Variants in ARHGAP15 observed in about 807,000 individuals in gnomAD.
The protein encoded by ARHGAP15 is Rho GTPase activating protein 15.
A neutral mutation model predicts 63.7 loss-of-function variants in ARHGAP15; 51 were observed. The observed-to-expected ratio is 0.80, with a 90% CI of 0.64 to 1.01. ARHGAP15 has a LOEUF of 1.01. Among genes scored for constraint, ARHGAP15 ranks in the 50% least tolerant of loss-of-function variants. The pLI is 0.00. For synonymous variants in ARHGAP15, 191 were observed against 193.8 expected, an observed-to-expected ratio of 0.99 and a Z score of 0.12; for missense variants, 560 against 564.6, an observed-to-expected ratio of 0.99 and a Z score of 0.08.
intron 13 of ARHGAP15, among the ~76,000 whole-genome samples, chr2:143,723,932 C>T (rs1028752758): frequency 2.0e-5 from 3 of 152,188 alleles, no homozygotes; most frequent in African/African-American, 7.2e-5. Flanking sequence ...ATCTAAAGAA[C>T]TGGGCTCCAG....
In ARHGAP15 at chr2:143,519,332, T is replaced by C; in HGVS notation, c.893T>C (p.Val298Ala). 6.2e-7 allele frequency: 1 copy of C among 1,613,108 alleles called. No homozygotes were observed. The highest frequency in any genetic ancestry group is 8.5e-7 in the Non-Finnish European group (1 of 1,179,210). Residue 298 changes from valine to alanine, a missense_variant, in exon 10 of 14, where the codon GTA (valine) becomes GCA (alanine). By Grantham distance (64) the Val-to-Ala change is moderately conservative. Transcript: ENST00000295095. ...GAAAATTCCACAGTTCCGTGGTTTG[T>C]AAAGCAATGCATTGAAGCTGTTGAG... Reference protein sequence around the residue: ...ERENSTVPWFVKQCIEAVEKR... With the variant: ...ERENSTVPWFAKQCIEAVEKR...
intron 1 of ARHGAP15, among the ~76,000 whole-genome samples, chr2:143,148,585 A>G (rs1255899175): frequency 6.6e-6 from 1 of 152,076 alleles, no homozygotes; most frequent in African/African-American, 2.4e-5. Flanking sequence ...ACCATGCTGC[A>G]GACTTGTCAG....
chr2:143,522,599 G>T (rs914329622), intron 10 of ARHGAP15, among the ~76,000 whole-genome samples: 5 of 152,106 alleles, frequency 3.3e-5, no homozygotes, highest in African/African-American at 4.8e-5. Context: ...TAGAGCAGGG[G>T]TATCTAATCT....
intron 6 of ARHGAP15, among the ~76,000 whole-genome samples, chr2:143,322,305 G>T (rs1281060385): frequency 6.6e-6 from 1 of 152,080 alleles, no homozygotes; most frequent in African/African-American, 2.4e-5. Flanking sequence ...AGTAGAAGGG[G>T]CTGCTTTCTT....
At chr2:143,268,541 T>A (rs1293860457) in intron 6 of ARHGAP15, among the ~76,000 whole-genome samples, 1 of 152,174 alleles carries the variant, frequency 6.6e-6, no homozygotes, top group Non-Finnish European at 1.5e-5. Flanking sequence ...ATTTTTTTTC[T>A]TTAGAACAAA....
At chr2:143,250,427 T>A (rs561539120) in intron 5 of ARHGAP15, 84 bp from the exon 6 acceptor site, 46 of 1,046,242 alleles carry the variant, frequency 4.4e-5, no homozygotes, top group Admixed American at 2.1e-4. Flanking sequence ...TATGTATAGC[T>A]GCTAACTCAA....
intron 3 of ARHGAP15, among the ~76,000 whole-genome samples, chr2:143,205,366 C>T (rs947863712): frequency 1.3e-5 from 2 of 151,900 alleles, no homozygotes; most frequent in African/African-American, 4.8e-5. Flanking sequence ...GACCTTACCA[C>T]CAGATGGCAT....
In ARHGAP15 at chr2:143,257,930, A is replaced by G. The variant is rs1680508333; in HGVS notation, c.474+7330A>G. Among the ~76,000 whole-genome samples the G allele has an allele frequency of 2.6e-5, 4 of 152,188 alleles. No individual in the cohort carries two copies. In the South Asian group the frequency reaches 8.3e-4, roughly 31 times the overall value. ...ATGCTAGCAAGACAATATTCAAGCC[A>G]AGGGATCCTTTTTCATATCTGTTTC... On this transcript the variant is annotated intron_variant, in intron 6 of 13. Coordinates refer to ENST00000295095, the MANE Select transcript of ARHGAP15 (RefSeq NM_018460.4).
intron 13 of ARHGAP15, among the ~76,000 whole-genome samples, chr2:143,737,890 G>A (rs990340548): frequency 2.0e-5 from 3 of 152,050 alleles, no homozygotes; most frequent in Non-Finnish European, 4.4e-5. Context: ...CTGAGTAGCT[G>A]GAATTACAGG....
At chr2:143,666,381 A>G (rs1344343729) in intron 12 of ARHGAP15, among the ~76,000 whole-genome samples, 1 of 152,164 alleles carries the variant, frequency 6.6e-6, no homozygotes, top group Non-Finnish European at 1.5e-5. Context: ...CAAAGCTGAA[A>G]CTGTATCGCT....
At chr2:143,189,637 T>C (rs1161673264) in intron 2 of ARHGAP15, among the ~76,000 whole-genome samples, 1 of 151,878 alleles carries the variant, frequency 6.6e-6, no homozygotes, top group Non-Finnish European at 1.5e-5. Context: ...AATTTTTGTA[T>C]TTTTAGTTAG....
chr2:143,541,496 A>T (rs897721777), intron 10 of ARHGAP15, among the ~76,000 whole-genome samples: 2 of 151,884 alleles, frequency 1.3e-5, no homozygotes, highest in African/African-American at 4.8e-5. Flanking sequence ...TTTTTTCCCC[A>T]TCTTTGTGGT....
At chr2:143,146,669 A>G (rs977255482) in intron 1 of ARHGAP15, among the ~76,000 whole-genome samples, 2 of 152,104 alleles carry the variant, frequency 1.3e-5, no homozygotes, top group African/African-American at 2.4e-5. Context: ...TAAATAATTG[A>G]GCAAGAGAGA....
intron 6 of ARHGAP15, among the ~76,000 whole-genome samples, chr2:143,386,013 C>A (rs1338037662): frequency 6.6e-6 from 1 of 152,088 alleles, no homozygotes; most frequent in East Asian, 1.9e-4. Flanking sequence ...GACATCTTAA[C>A]TTTCATATTC....
At chr2:143,146,162 T>C (rs1204255974) in intron 1 of ARHGAP15, among the ~76,000 whole-genome samples, 1 of 150,834 alleles carries the variant, frequency 6.6e-6, no homozygotes, top group African/African-American at 2.4e-5. Flanking sequence ...ATTAAGAGAG[T>C]GAAAAAGCAA....
intron 6 of ARHGAP15, among the ~76,000 whole-genome samples, chr2:143,346,859 C>T (rs1685324036): frequency 6.6e-6 from 1 of 151,744 alleles, no homozygotes; most frequent in African/African-American, 2.4e-5. Context: ...AATCAAAGAC[C>T]AACTGACACA....
intron 6 of ARHGAP15, among the ~76,000 whole-genome samples, chr2:143,333,328 A>G (rs1309287201): frequency 6.6e-6 from 1 of 152,206 alleles, no homozygotes; most frequent in Non-Finnish European, 1.5e-5. Flanking sequence ...TATGAAGATG[A>G]CACGTCGGTG....
At chr2:143,206,633 C>T (rs1315293320) in intron 3 of ARHGAP15, among the ~76,000 whole-genome samples, 1 of 152,020 alleles carries the variant, frequency 6.6e-6, no homozygotes, top group African/African-American at 2.4e-5. Flanking sequence ...ATTGCTCTTA[C>T]TGAGCTATAA....
At chr2:143,512,271 AAGTCTC>A (rs1693624251) in intron 9 of ARHGAP15, among the ~76,000 whole-genome samples, 1 of 152,214 alleles carries the variant, frequency 6.6e-6, no homozygotes, top group Admixed American at 6.5e-5. Context: ...ACATCAGAAA[AAGTCTC>A]AGGATTTACT....
Sources: allele counts gnomAD v4.1 joint callset (sites outside exome capture counted in the v4.1 genomes callset), GRCh38; gene constraint gnomAD v4.1.1; transcripts MANE v1.5; gene names NCBI Gene and HGNC (gene_info 2026-07-23, HGNC 2026-07-21).